RSPH14: variants seen among roughly 807,000 people sequenced by gnomAD.
RSPH14 encodes the protein rhabdoid tumor deletion region gene 1.
Under a neutral mutation model 26.7 loss-of-function variants are expected in RSPH14, and 20 were observed. That is an observed-to-expected ratio of 0.75 (90% CI 0.53 to 1.09). RSPH14 has a LOEUF of 1.09. Among genes scored for constraint, RSPH14 ranks in the 50% least tolerant of loss-of-function variants. The pLI, the probability that RSPH14 is intolerant of heterozygous loss-of-function variation, is 0.00. For synonymous variants in RSPH14, 177 were observed against 189.3 expected, an observed-to-expected ratio of 0.93 and a Z score of 0.53; for missense variants, 449 against 457.2, an observed-to-expected ratio of 0.98 and a Z score of 0.16.
At chr22:23,091,700 A>G (rs910041865) in intron 4 of RSPH14, among the ~76,000 whole-genome samples, 2 of 152,206 alleles carry the variant, frequency 1.3e-5, no homozygotes, top group African/African-American at 4.8e-5. Context: ...ACACACACGC[A>G]CCGCAATGGA....
At chr22:23,128,220 T>G (rs79834151) in intron 4 of RSPH14, among the ~76,000 whole-genome samples, 4,007 of 152,204 alleles carry the variant, frequency 0.026, 173 homozygotes, top group African/African-American at 0.091. Context: ...GCCACAGAAC[T>G]CTCTCTCCCA....
intron 4 of RSPH14, chr22:23,131,747 C>T (rs1202239023): frequency 1.4e-6 from 1 of 700,264 alleles, no homozygotes; most frequent in Non-Finnish European, 2.3e-6. Flanking sequence ...ACCCTAATAC[C>T]CCAGGGGCTC....
intron 4 of RSPH14, among the ~76,000 whole-genome samples, chr22:23,119,132 G>T (rs1040524125): frequency 1.3e-5 from 2 of 152,230 alleles, no homozygotes; most frequent in African/African-American, 4.8e-5. Flanking sequence ...TTCAGTGGTG[G>T]TGATTTGAGT....
intron 4 of RSPH14, among the ~76,000 whole-genome samples, chr22:23,073,317 C>T (rs912825055): frequency 2.0e-5 from 3 of 152,242 alleles, no homozygotes; most frequent in Admixed American, 6.5e-5. Context: ...TGAACAGAGG[C>T]GTCAGTGCAG....
At chr22:23,084,888 C>G (rs2068776135) in intron 4 of RSPH14, among the ~76,000 whole-genome samples, 1 of 152,226 alleles carries the variant, frequency 6.6e-6, no homozygotes, top group Non-Finnish European at 1.5e-5. Context: ...GTTTTGTGGT[C>G]ACCCTACCAT....
chr22:23,143,386 T>A (rs2070634353), upstream of RSPH14, among the ~76,000 whole-genome samples: 1 of 152,144 alleles, frequency 6.6e-6, no homozygotes, highest in South Asian at 2.1e-4. Flanking sequence ...TGCTTCTTTC[T>A]GCATTCAGCA....
chr22:23,171,819 G>GGTA, the RSPH14 span, among the ~76,000 whole-genome samples: 1 of 139,938 alleles, frequency 7.1e-6, no homozygotes, highest in African/African-American at 2.7e-5. Context: ...TCCAGCCTGG[G>GGTA]CAACAAGAGC....
chr22:23,130,522 A>AAGAAAGAAAGAAAGAT (rs2070337850), intron 4 of RSPH14, among the ~76,000 whole-genome samples: 1 of 151,474 alleles, frequency 6.6e-6, no homozygotes, highest in Non-Finnish European at 1.5e-5. Context: ...GAAAGAAAGA[A>AAGAAAGAAAGAAAGAT]AGAAAGAAAG....
At chr22:23,062,148 C>A (rs1758627448) in intron 5 of RSPH14, among the ~76,000 whole-genome samples, 1 of 152,212 alleles carries the variant, frequency 6.6e-6, no homozygotes, top group South Asian at 2.1e-4. Context: ...CGGCCCACTG[C>A]CAGTGAAGAC....
At chr22:23,128,341 T>A (rs892722136) in intron 4 of RSPH14, among the ~76,000 whole-genome samples, 6 of 152,014 alleles carry the variant, frequency 3.9e-5, no homozygotes, top group African/African-American at 1.4e-4. Flanking sequence ...CTGCCAGGCC[T>A]CCCCCTCTCA....
chr22:23,157,303 T>C, the RSPH14 span, among the ~76,000 whole-genome samples: 1 of 151,274 alleles, frequency 6.6e-6, no homozygotes, highest in Non-Finnish European at 1.5e-5. Context: ...CAAACTGGAG[T>C]GCAGTGGCGC....
At chr22:23,172,626 C>G in the RSPH14 span, among the ~76,000 whole-genome samples, 1 of 149,242 alleles carries the variant, frequency 6.7e-6, no homozygotes, top group East Asian at 2.0e-4. Context: ...TGGTATGAAC[C>G]CAGGAGGCGG....
chr22:23,087,338 T>C (rs1024456625), intron 4 of RSPH14, among the ~76,000 whole-genome samples: 6 of 152,108 alleles, frequency 3.9e-5, no homozygotes, highest in Non-Finnish European at 8.8e-5. Context: ...TGGTGGCGCG[T>C]GCCTGCAGTC....
At chr22:23,136,350 C>T (rs1180011812) in intron 3 of RSPH14, 2 of 683,908 alleles carry the variant, frequency 2.9e-6, no homozygotes, top group Non-Finnish European at 5.4e-6. Context: ...AGAAGAGTTT[C>T]AACCTGGGCA....
At chr22:23,178,242 C>A in the RSPH14 span, among the ~76,000 whole-genome samples, 1 of 152,158 alleles carries the variant, frequency 6.6e-6, no homozygotes, top group Non-Finnish European at 1.5e-5. Context: ...CAGTGAAACC[C>A]CGTCTCTACT....
At chr22:23,120,115 CCTCCAG>C in intron 4 of RSPH14, among the ~76,000 whole-genome samples, 1 of 152,194 alleles carries the variant, frequency 6.6e-6, no homozygotes, top group Non-Finnish European at 1.5e-5. Context: ...ACCGTGCCCA[CCTCCAG>C]CTGCCTTGTG....
At chr22:23,144,970 T>G, upstream of RSPH14, 1 of 177,608 alleles carries the variant, frequency 5.6e-6, no homozygotes, top group Non-Finnish European at 1.2e-5. Flanking sequence ...ATTAAGGAAA[T>G]TAATTTTGTA....
the RSPH14 span, among the ~76,000 whole-genome samples, chr22:23,174,674 T>TAAAA: frequency 2.8e-5 from 4 of 143,340 alleles, no homozygotes; most frequent in Non-Finnish European, 4.6e-5. Flanking sequence ...AATAAAGTTG[T>TAAAA]AAAAAAAAAA....
chr22:23,152,017 T>C, the RSPH14 span, among the ~76,000 whole-genome samples: 4 of 152,118 alleles, frequency 2.6e-5, no homozygotes, highest in Admixed American at 6.5e-5. Flanking sequence ...CGGGGGTGCA[T>C]AGGAGGGTGA....
Sources: gnomAD v4.1 joint callset for allele counts (sites outside exome capture counted in the v4.1 genomes callset) on GRCh38, gnomAD v4.1.1 for gene constraint, MANE v1.5 for transcripts, NCBI Gene and HGNC (gene_info 2026-07-23, HGNC 2026-07-21) for gene names.